Variants in CTNND2 observed in about 807,000 individuals in gnomAD.
CTNND2 encodes catenin delta 2, also known as catenin delta-2.
Under a neutral mutation model 144.4 loss-of-function variants are expected in CTNND2, and 22 were observed. That is an observed-to-expected ratio of 0.15 (90% CI 0.11 to 0.22). The LOEUF (loss-of-function observed/expected upper bound fraction) is 0.22. CTNND2 is among the 10% of genes least tolerant of loss of function. The pLI is 1.00. For missense variants in CTNND2, 1,353 were observed against 1,618.8 expected (o/e 0.84, Z 2.82); for synonymous variants, 751 against 695.6 (o/e 1.08, Z -1.25).
intron 2 of CTNND2, among the ~76,000 whole-genome samples, chr5:11,664,299 A>C (rs1783436070): frequency 1.3e-5 from 2 of 152,200 alleles, no homozygotes; most frequent in Admixed American, 6.6e-5. Flanking sequence ...ACGACTTAAA[A>C]ATTAAAATAC....
At chr5:11,022,015 A>G (rs749773737) in intron 17 of CTNND2, among the ~76,000 whole-genome samples, 7 of 152,302 alleles carry the variant, frequency 4.6e-5, no homozygotes, top group Middle Eastern at 6.8e-3. Flanking sequence ...TTCCAGCTGT[A>G]TATAGTAAGA....
At chr5:11,299,110 A>AT (rs1307488880) in intron 9 of CTNND2, among the ~76,000 whole-genome samples, 2 of 152,268 alleles carry the variant, frequency 1.3e-5, no homozygotes, top group East Asian at 1.9e-4. Flanking sequence ...ATAGTGACGC[A>AT]TATCAGTCAC....
At chr5:11,340,721 T>C (rs1256644608) in intron 9 of CTNND2, among the ~76,000 whole-genome samples, 1 of 152,224 alleles carries the variant, frequency 6.6e-6, no homozygotes, top group African/African-American at 2.4e-5. Flanking sequence ...TGGCATTTTG[T>C]TTGATTCTAC....
At chr5:11,888,378 A>C (rs13171843) in intron 1 of CTNND2, among the ~76,000 whole-genome samples, 2 of 152,160 alleles carry the variant, frequency 1.3e-5, no homozygotes, top group African/African-American at 2.4e-5. Flanking sequence ...CCCCAGGGCC[A>C]ACGTACTAGC....
chr5:11,896,307 T>C (rs1737388979), intron 1 of CTNND2, among the ~76,000 whole-genome samples: 1 of 152,156 alleles, frequency 6.6e-6, no homozygotes, highest in South Asian at 2.1e-4. Flanking sequence ...TTTCTAAATT[T>C]AAAAATGTGT....
intron 1 of CTNND2, among the ~76,000 whole-genome samples, chr5:11,898,238 T>C (rs893312569): frequency 5.9e-5 from 9 of 152,236 alleles, no homozygotes; most frequent in African/African-American, 2.2e-4. Context: ...GAGAGCTTGA[T>C]ATTTATTTGA....
rs1169270632 is a variant in CTNND2 at position 11,879,354 on chromosome 5, T to TATATATATATATATAC, written c.37+24462_37+24463insGTATATATATATATAT. On this transcript the variant is annotated intron_variant, in intron 1 of 21. Coordinates refer to ENST00000304623, the MANE Select transcript of CTNND2 (RefSeq NM_001332.4). ...AATTAAATGTGTGTATATATATATA[T>TATATATATATATATAC]ATACATATACACACACACACAAACA... 1.9e-3 allele frequency among the ~76,000 whole-genome samples: 270 copies of TATATATATATATATAC among 139,776 alleles called. 6 individuals are homozygous for TATATATATATATATAC. The highest frequency in any genetic ancestry group is 6.5e-3 in the African/African-American group (255 of 39,122). The allele number at this position is 139,776 out of a possible 152,430, so 91.7% of individuals were successfully genotyped here.
intron 1 of CTNND2, among the ~76,000 whole-genome samples, chr5:11,860,315 C>T (rs1795443427): frequency 6.6e-6 from 1 of 152,150 alleles, no homozygotes; most frequent in South Asian, 2.1e-4. Flanking sequence ...CTGGACAACT[C>T]CGTTCTTAGT....
chr5:11,525,594 G>T (rs892451722), intron 3 of CTNND2, among the ~76,000 whole-genome samples: 6 of 152,146 alleles, frequency 3.9e-5, no homozygotes, highest in East Asian at 3.9e-4. Flanking sequence ...GTTAAAAAGC[G>T]TTCATTGTCC....
At chr5:11,242,132 G>A (rs570768067) in intron 9 of CTNND2, among the ~76,000 whole-genome samples, 2 of 152,294 alleles carry the variant, frequency 1.3e-5, no homozygotes, top group Non-Finnish European at 2.9e-5. Flanking sequence ...GGATACTGTT[G>A]TGAAAAAGAA....
In CTNND2 at chr5:11,397,178, T is replaced by A. The variant is rs768410962; in HGVS notation, c.465A>T (p.Ala155=). Residue 155 remains alanine, a synonymous_variant, in exon 6 of 22, where the codon GCA becomes GCT. Transcript: ENST00000304623. ...GERPSLLSQS[A]LQLNSKPEGS... ...CTTCAGGTTTGGAATTGAGCTGAAGTGCACTCTGGGAGAGCAGGCTGGGCC... is the reference window on the plus strand; with the variant it reads ...CTTCAGGTTTGGAATTGAGCTGAAGAGCACTCTGGGAGAGCAGGCTGGGCC... 5.6e-6 allele frequency: 9 copies of A among 1,614,054 alleles called. No homozygotes were observed. In the South Asian group the frequency reaches 6.6e-5, roughly 12 times the overall value.
intron 16 of CTNND2, among the ~76,000 whole-genome samples, chr5:11,037,301 GA>G (rs1744188685): frequency 6.6e-6 from 1 of 152,168 alleles, no homozygotes; most frequent in African/African-American, 2.4e-5. Flanking sequence ...GGTGGTTTCT[GA>G]TTTTTTGTCA....
intron 12 of CTNND2, among the ~76,000 whole-genome samples, chr5:11,149,535 T>C (rs1757553683): frequency 6.6e-6 from 1 of 152,152 alleles, no homozygotes; most frequent in Non-Finnish European, 1.5e-5. Flanking sequence ...TAATTAGCTG[T>C]TGGGATTCAT....
At chr5:11,441,797 T>C (rs922048245) in intron 3 of CTNND2, among the ~76,000 whole-genome samples, 2 of 152,122 alleles carry the variant, frequency 1.3e-5, no homozygotes, top group Admixed American at 1.3e-4. Flanking sequence ...GCATCCATCA[T>C]ACTGTCTTCT....
At chr5:11,514,552 T>G (rs1054793449) in intron 3 of CTNND2, among the ~76,000 whole-genome samples, 2 of 152,236 alleles carry the variant, frequency 1.3e-5, no homozygotes, top group African/African-American at 4.8e-5. Flanking sequence ...CTGTCAAGCT[T>G]ATTTTACTGT....
At chr5:11,093,169 G>A (rs1217398668) in intron 15 of CTNND2, among the ~76,000 whole-genome samples, 3 of 152,154 alleles carry the variant, frequency 2.0e-5, no homozygotes, top group Non-Finnish European at 4.4e-5. Flanking sequence ...CACTTTAGGA[G>A]GAAAACTGAG....
intron 15 of CTNND2, chr5:11,083,887 C>T: frequency 8.8e-7 from 1 of 1,133,736 alleles, no homozygotes; most frequent in Non-Finnish European, 1.1e-6. Context: ...TCACCTGTGG[C>T]AGGCAGGGAG....
chr5:11,015,280 T>C (rs530406640), intron 18 of CTNND2, among the ~76,000 whole-genome samples: 1 of 152,212 alleles, frequency 6.6e-6, no homozygotes, highest in South Asian at 2.1e-4. Flanking sequence ...GGAAAGCTTT[T>C]TTGAATTTTG....
At chr5:11,513,757 A>G (rs554448933) in intron 3 of CTNND2, among the ~76,000 whole-genome samples, 72 of 152,294 alleles carry the variant, frequency 4.7e-4, no homozygotes, top group South Asian at 3.3e-3. Context: ...TGAACCACTC[A>G]TTTAACAGAC....
Sources: gnomAD v4.1 joint callset for allele counts (sites outside exome capture counted in the v4.1 genomes callset) on GRCh38, gnomAD v4.1.1 for gene constraint, MANE v1.5 for transcripts, NCBI Gene and HGNC (gene_info 2026-07-23, HGNC 2026-07-21) for gene names.